The following STX8 variants were observed in gnomAD, a reference collection of about 807,000 sequenced individuals.
STX8 encodes syntaxin 8.
In STX8, 23 loss-of-function variants were observed where a neutral mutation model predicts 37.5. The ratio of observed to expected loss-of-function variants is 0.61; its 90% CI spans 0.44 to 0.87. STX8 has a LOEUF of 0.87. Ranked by LOEUF, STX8 falls within the 40% of genes least tolerant of loss-of-function variation. The pLI, the probability that STX8 is intolerant of heterozygous loss-of-function variation, is 0.00. For synonymous variants in STX8, 115 were observed against 99.1 expected (o/e 1.16, Z -0.95); for missense variants, 313 against 284.7 (o/e 1.10, Z -0.71).
At chr17:9,292,390 A>G (rs1333850075) in intron 7 of STX8, among the ~76,000 whole-genome samples, 2 of 152,228 alleles carry the variant, frequency 1.3e-5, no homozygotes, top group African/African-American at 2.4e-5. Flanking sequence ...ACAGGCATAC[A>G]GAGCCCAGTG....
At chr17:9,430,095 A>T (rs1597667167) in intron 6 of STX8, among the ~76,000 whole-genome samples, 1 of 56,544 alleles carries the variant, frequency 1.8e-5, no homozygotes, top group African/African-American at 6.1e-5. Context: ...TATTCTATAT[A>T]ATATATATAT....
chr17:9,286,554 T>G (rs1908078725), intron 7 of STX8, among the ~76,000 whole-genome samples: 1 of 152,212 alleles, frequency 6.6e-6, no homozygotes, highest in African/African-American at 2.4e-5. Flanking sequence ...CTTTCAAGTT[T>G]GATAGCTTGT....
chr17:9,284,934 G>T (rs1908022161), intron 7 of STX8, among the ~76,000 whole-genome samples: 1 of 152,232 alleles, frequency 6.6e-6, no homozygotes, highest in Middle Eastern at 3.4e-3. Context: ...AAAGTCATGG[G>T]TGGGGCTTGC....
intron 6 of STX8, among the ~76,000 whole-genome samples, chr17:9,396,334 G>C (rs1019000559): frequency 1.3e-5 from 2 of 149,436 alleles, no homozygotes; most frequent in African/African-American, 4.9e-5. Flanking sequence ...GGAGAAAGGG[G>C]GGAGTGATAA....
intron 6 of STX8, among the ~76,000 whole-genome samples, chr17:9,426,166 G>A (rs1162012271): frequency 6.6e-6 from 1 of 152,164 alleles, no homozygotes; most frequent in East Asian, 1.9e-4. Context: ...AAGTGTGGGG[G>A]CTCACACCTG....
intron 4 of STX8, among the ~76,000 whole-genome samples, chr17:9,520,970 G>C (rs1329257297): frequency 1.3e-5 from 2 of 152,198 alleles, no homozygotes; most frequent in African/African-American, 2.4e-5. Flanking sequence ...GTGTGAGTGA[G>C]CTGAGTCTGC....
intron 6 of STX8, among the ~76,000 whole-genome samples, chr17:9,474,043 C>T (rs1006910429): frequency 3.3e-5 from 5 of 152,146 alleles, no homozygotes; most frequent in African/African-American, 7.2e-5. Flanking sequence ...TGTCATCGAT[C>T]GTGCCTATGT....
At chr17:9,487,054 C>T (rs963982000) in intron 6 of STX8, among the ~76,000 whole-genome samples, 15 of 152,186 alleles carry the variant, frequency 9.9e-5, no homozygotes, top group Admixed American at 6.5e-4. Context: ...TTTCACTTAA[C>T]TGCTGATCCA....
chr17:9,344,437 T>C (rs1361266511), intron 7 of STX8, among the ~76,000 whole-genome samples: 1 of 152,082 alleles, frequency 6.6e-6, no homozygotes, highest in African/African-American at 2.4e-5. Context: ...ATTTTTGTAT[T>C]TTTAGTAGAG....
At chr17:9,452,099 G>A (rs1905060048) in intron 6 of STX8, 1 of 151,626 alleles carries the variant, frequency 6.6e-6, no homozygotes, top group Non-Finnish European at 1.5e-5. Context: ...CCTGAGATAT[G>A]ACTCAAACTC....
rs76326714 is a variant in STX8, at chr17:9,532,927, A to G, written c.323+12245T>C. Among the ~76,000 whole-genome samples, 1,337 of 152,310 alleles carry G rather than the reference A, an allele frequency of 8.8e-3. 26 individuals carry two copies. The highest frequency in any genetic ancestry group is 0.03 in the African/African-American group (1,245 of 41,574). The stretch of plus-strand genomic sequence containing the variant: ...AAAGATGATGCAGCATAAAGACTGG[A>G]AAAAAATGTGCTAAGGCAACATATA... On this transcript the variant is annotated intron_variant, in intron 4 of 7. Transcript: ENST00000306357.
chr17:9,318,818 C>G (rs534084302), intron 7 of STX8, among the ~76,000 whole-genome samples: 1 of 152,162 alleles, frequency 6.6e-6, no homozygotes, highest in Non-Finnish European at 1.5e-5. Flanking sequence ...TATAGTTCAA[C>G]AAAATGTGAA....
chr17:9,400,934 A>G (rs1281853661), intron 6 of STX8, among the ~76,000 whole-genome samples: 3 of 152,084 alleles, frequency 2.0e-5, no homozygotes, highest in Non-Finnish European at 4.4e-5. Context: ...TTATATCTCT[A>G]TTTTATCATT....
intron 6 of STX8, among the ~76,000 whole-genome samples, chr17:9,448,602 A>G (rs1215622135): frequency 1.3e-5 from 2 of 151,906 alleles, no homozygotes; most frequent in Admixed American, 6.6e-5. Context: ...CAGGAGTTCA[A>G]TGTTAACCCA....
chr17:9,345,508 A>G (rs1910501869), intron 7 of STX8, among the ~76,000 whole-genome samples: 1 of 152,018 alleles, frequency 6.6e-6, no homozygotes, highest in Non-Finnish European at 1.5e-5. Flanking sequence ...GGCTTAAATG[A>G]CTCTCTAAAT....
chr17:9,551,995 G>A (rs1906783094), intron 3 of STX8, among the ~76,000 whole-genome samples: 1 of 151,706 alleles, frequency 6.6e-6, no homozygotes, highest in African/African-American at 2.4e-5. Flanking sequence ...TTACTATCAT[G>A]GTGAAAAAGC....
At chr17:9,366,984 G>A (rs1378621530) in intron 7 of STX8, among the ~76,000 whole-genome samples, 1 of 152,164 alleles carries the variant, frequency 6.6e-6, no homozygotes, top group South Asian at 2.1e-4. Context: ...GAGGGCTGAT[G>A]AGAAGCACTG....
At chr17:9,480,507 C>A (rs752027917) in intron 6 of STX8, among the ~76,000 whole-genome samples, 1 of 152,138 alleles carries the variant, frequency 6.6e-6, no homozygotes, top group Non-Finnish European at 1.5e-5. Context: ...TGATTTTGCA[C>A]ATCAACTTCC....
At chr17:9,261,940 C>T (rs561689247) in intron 7 of STX8, among the ~76,000 whole-genome samples, 1 of 152,166 alleles carries the variant, frequency 6.6e-6, no homozygotes, top group African/African-American at 2.4e-5. Context: ...TCTTGACTGT[C>T]GGAAGATTCC....
Sources: allele counts gnomAD v4.1 joint callset (sites outside exome capture counted in the v4.1 genomes callset), GRCh38; gene constraint gnomAD v4.1.1; transcripts MANE v1.5; gene names NCBI Gene and HGNC (gene_info 2026-07-23, HGNC 2026-07-21).